The following PUSL1 variants were observed in gnomAD, a reference collection of about 807,000 sequenced individuals.
The protein encoded by PUSL1 is pseudouridine synthase like 1, also known as tRNA pseudouridine synthase-like 1.
Under a neutral mutation model 30.7 loss-of-function variants are expected in PUSL1, and 51 were observed. That is an observed-to-expected ratio of 1.66 (90% CI 1.33 to 2.10). PUSL1 has a LOEUF of 2.10. Ranked by LOEUF, PUSL1 falls within the 30% of genes most tolerant of loss-of-function variation. The probability of loss-of-function intolerance (pLI) is 0.00; values close to 1 mark genes in which losing one functional copy is unlikely to be tolerated. For missense variants in PUSL1, 609 were observed against 427.6 expected (o/e 1.42, Z -3.74); for synonymous variants, 290 against 192.1 (o/e 1.51, Z -4.21).
intron 7 of PUSL1, 124 bp downstream of exon 7, chr1:1,311,195 G>A: frequency 7.0e-7 from 1 of 1,429,422 alleles, no homozygotes; most frequent in South Asian, 1.3e-5. Flanking sequence ...CCCCGCCCAG[G>A]GCTGCAGTCC....
chr1:1,311,306 A>C (rs1409327006), intron 7 of PUSL1, 24 bp from the exon 8 acceptor site: 24 of 1,532,416 alleles, frequency 1.6e-5, no homozygotes, highest in Non-Finnish European at 2.1e-5. Flanking sequence ...CCCCAGGCTG[A>C]CGCAGGGTCT....
Position 1,308,948 on chromosome 1 carries a change from C to A in PUSL1, c.111C>A (p.Ala37=), listed in dbSNP as rs1271626529. The part of the protein sequence containing the change: ...GVAAVRGTQR[A]VGVQNYLEEA... ...CGGCCGTCAGGGGCACTCAGCGCGCCGTCGGGGTCCAGAACTACCTGGAGG... is the reference window on the plus strand; with the variant it reads ...CGGCCGTCAGGGGCACTCAGCGCGCAGTCGGGGTCCAGAACTACCTGGAGG... The change falls in exon 2 of 8, where the codon GCC becomes GCA. Residue 37 remains alanine (A), a synonymous_variant. Coordinates refer to ENST00000379031, the MANE Select transcript of PUSL1 (RefSeq NM_153339.3). 1.4e-6 allele frequency: 2 copies of A among 1,420,426 alleles called. No individual in the cohort carries two copies. The highest frequency in any genetic ancestry group is 2.9e-5 in the East Asian group (1 of 35,038). The allele number at this position is 1,420,426 out of a possible 1,614,324, so 88.0% of individuals were successfully genotyped here. A position where few individuals can be genotyped will look rare whatever the true frequency, so the allele number is the denominator to read the frequency against.
intron 7 of PUSL1, 32 bp downstream of exon 7, chr1:1,311,103 A>G (rs1318679411): frequency 5.1e-6 from 8 of 1,575,212 alleles, no homozygotes; most frequent in East Asian, 2.3e-5. Flanking sequence ...AGCTCCTGTC[A>G]TGTGCCCAGT....
At chr1:1,308,795 G>A in intron 1 of PUSL1, 75 bp downstream of exon 1, 2 of 1,448,992 alleles carry the variant, frequency 1.4e-6, no homozygotes, top group Non-Finnish European at 1.8e-6. Context: ...GGGCGGGCAG[G>A]CGGATGTCTC....
In PUSL1 at chr1:1,309,755, C is replaced by T. The variant is rs1557621889; in HGVS notation, c.548C>T (p.Ser183Phe). ...LGTHDFSAFQ[S>F]AGSPVPSPVR... ...ACACACGACTTCAGCGCCTTCCAGTCCGCTGGCAGCCCGGTGCCGAGCCCC... is the reference window on the plus strand; with the variant it reads ...ACACACGACTTCAGCGCCTTCCAGTTCGCTGGCAGCCCGGTGCCGAGCCCC... The change falls in exon 5 of 8, where the codon TCC (serine) becomes TTC (phenylalanine). Residue 183 changes from serine (S) to phenylalanine (F), a missense_variant. Transcript: ENST00000379031. 6.3e-7 allele frequency: 1 copy of T among 1,586,186 alleles called. No homozygotes were observed. The highest frequency in any genetic ancestry group is 2.3e-5 in the East Asian group (1 of 43,344).
In PUSL1 at chr1:1,310,901, G is replaced by A. The variant is rs745513702; in HGVS notation, c.700-8G>A. 6 of 1,608,016 alleles carry A rather than the reference G, an allele frequency of 3.7e-6. No individual in the cohort carries two copies. The South Asian group carries it at 5.5e-5, about 15-fold the overall frequency. ...CGGCTCTGGGTCACAGGTGGCTCTG[G>A]GTCACAGGTACGGAGGATGACGGCT... On this transcript the variant is annotated splice_region_variant and splice_polypyrimidine_tract_variant and intron_variant, in intron 6 of 7. Coordinates refer to ENST00000379031, the MANE Select transcript of PUSL1 (RefSeq NM_153339.3).
rs765909677 is a variant in PUSL1, at chr1:1,309,461, C to A, written c.331C>A (p.Arg111=). The change falls in exon 4 of 8, where the codon CGG becomes AGG. Residue 111 remains arginine (R), a synonymous_variant. Coordinates refer to ENST00000379031, the MANE Select transcript of PUSL1 (RefSeq NM_153339.3). ...HLRHPAIRVL[R]AFRVPSDFHA... ...CTTTACCTGCCGCCATAGGGTCCTG[C>A]GGGCCTTCCGAGTGCCCAGCGACTT... 1.9e-6 allele frequency: 3 copies of A among 1,601,024 alleles called. No individual in the cohort carries two copies. The highest frequency in any genetic ancestry group is 2.6e-6 in the Non-Finnish European group (3 of 1,174,652).
chr1:1,308,964 T>C lies in PUSL1; in HGVS notation c.127T>C (p.Tyr43His), dbSNP rs1641926212. The C allele has an allele frequency of 2.8e-6, 4 of 1,416,754 alleles. No individual in the cohort carries two copies. The highest frequency in any genetic ancestry group is 1.5e-5 in the African/African-American group (1 of 66,490). The allele number at this position is 1,416,754 out of a possible 1,614,324, so 87.8% of individuals were successfully genotyped here. The part of the protein sequence containing the change: ...GTQRAVGVQN[Y>H]LEEAAERLNS... Reference sequence around the variant, plus strand: ...TCAGCGCGCCGTCGGGGTCCAGAACTACCTGGAGGTGCGCTCAGCCGGTCA... The same window carrying C: ...TCAGCGCGCCGTCGGGGTCCAGAACCACCTGGAGGTGCGCTCAGCCGGTCA... The change falls in exon 2 of 8, where the codon TAC becomes CAC. Residue 43 changes from tyrosine to histidine, a missense_variant. Physicochemically the swap from Tyr to His is moderately conservative, Grantham distance 83 (BLOSUM62 2). Coordinates refer to ENST00000379031, the MANE Select transcript of PUSL1 (RefSeq NM_153339.3).
rs765240675 is a variant in PUSL1, at chr1:1,310,935, G to C, written c.726G>C (p.Val242=). The C allele has an allele frequency of 6.2e-7, 1 of 1,613,126 alleles. No individual in the cohort carries two copies. Among genetic ancestry groups the C allele is most frequent in the Non-Finnish European group, 8.5e-7 (1 of 1,179,950 alleles). Reference sequence around the variant, plus strand: ...TACGGAGGATGACGGCTGTGCTGGTGGCCGTGGGGCTGGGGGCTTTGGCAC... The same window carrying C: ...TACGGAGGATGACGGCTGTGCTGGTCGCCGTGGGGCTGGGGGCTTTGGCAC... ...RQVRRMTAVL[V]AVGLGALAPA... Residue 242 remains valine, a synonymous_variant, in exon 7 of 8, where the codon GTG becomes GTC. Coordinates refer to ENST00000379031, the MANE Select transcript of PUSL1 (RefSeq NM_153339.3).
Position 1,309,511 on chromosome 1 carries a change from C to G in PUSL1, c.381C>G (p.Ser127=). 2 of 1,610,728 alleles carry G rather than the reference C, an allele frequency of 1.2e-6. No individual in the cohort carries two copies. Among genetic ancestry groups the G allele is most frequent in the East Asian group, 2.2e-5 (1 of 44,762 alleles). ...TCCACGCTCGTCACGCAGCCACGTC[C>G]CGGACCTACCTGTACCGCCTGGCCA... ...SDFHARHAAT[S]RTYLYRLATG... The change falls in exon 4 of 8, where the codon TCC becomes TCG. Residue 127 remains serine, a synonymous_variant. Coordinates refer to ENST00000379031, the MANE Select transcript of PUSL1 (RefSeq NM_153339.3).
chr1:1,309,011 AG>A (rs764580243), intron 2 of PUSL1, 39 bp downstream of exon 2: 2 of 1,392,534 alleles, frequency 1.4e-6, no homozygotes. Flanking sequence ...GTGAGGGGTA[AG>A]GGGGAGGCTC....
At position 1,309,797 on chromosome 1, in the gene PUSL1, G is replaced by A. The variant is rs766150586; in HGVS notation, c.590G>A (p.Arg197Gln). ...PVPSPVRTLR[R>Q]VSVSPGQASP... Reference sequence around the variant, plus strand: ...CCGAGCCCCGTGCGAACGCTGCGCCGGGTCTCCGTTTCCCCAGGCCAAGCC... The same window carrying A: ...CCGAGCCCCGTGCGAACGCTGCGCCAGGTCTCCGTTTCCCCAGGCCAAGCC... The change falls in exon 5 of 8, where the codon CGG (arginine) becomes CAG (glutamine). Residue 197 changes from arginine (R) to glutamine (Q), a missense_variant. Transcript: ENST00000379031. The A allele has an allele frequency of 1.0e-5, 16 of 1,555,224 alleles. No individual in the cohort carries two copies. The highest frequency in any genetic ancestry group is 7.3e-5 in the East Asian group (3 of 41,274).
chr1:1,310,654 T>C lies in PUSL1; in HGVS notation c.665T>C (p.Leu222Pro). The C allele has an allele frequency of 1.3e-6, 2 of 1,583,400 alleles. No individual in the cohort carries two copies. Among genetic ancestry groups the C allele is most frequent in the Non-Finnish European group, 1.7e-6 (2 of 1,161,070 alleles). ...EESRKLRFWNLEFESQSFLYR... is the reference protein window; with the variant it reads ...EESRKLRFWNPEFESQSFLYR... Reference sequence around the variant, plus strand: ...TCCAGGAAGCTGCGGTTCTGGAACCTGGAGTTTGAGAGCCAGTCTTTCCTG... The same window carrying C: ...TCCAGGAAGCTGCGGTTCTGGAACCCGGAGTTTGAGAGCCAGTCTTTCCTG... The change falls in exon 6 of 8, where the codon CTG becomes CCG. Residue 222 changes from leucine (L) to proline (P), a missense_variant. Transcript: ENST00000379031.
In PUSL1 at chr1:1,308,636, G is replaced by GCTCCGCCATGAGTTCGGCGCCGGC; in HGVS notation, c.-4_20dup. On this transcript the variant is annotated 5_prime_UTR_variant, in exon 1 of 8. It adds an upstream start codon to the 5' untranslated region. Transcript: ENST00000379031. ...GGCCGCCTCTGACGCCACCGGCTGGGCTCCGCCATGAGTTCGGCGCCGGCC... is the reference window on the plus strand; with the variant it reads ...GGCCGCCTCTGACGCCACCGGCTGGGCTCCGCCATGAGTTCGGCGCCGGCCTCCGCCATGAGTTCGGCGCCGGCC... The GCTCCGCCATGAGTTCGGCGCCGGC allele has an allele frequency of 6.6e-7, 1 of 1,506,226 alleles. No homozygotes were observed. Among genetic ancestry groups the GCTCCGCCATGAGTTCGGCGCCGGC allele is most frequent in the Non-Finnish European group, 8.9e-7 (1 of 1,129,642 alleles). 93.3% of individuals were successfully genotyped at this position (1,506,226 alleles called of 1,614,324 possible).
At position 1,311,470 on chromosome 1, in the gene PUSL1, ACT is replaced by A; in HGVS notation, c.*92_*93del. The A allele has an allele frequency of 7.5e-7, 1 of 1,327,706 alleles. No individual in the cohort carries two copies. The allele number at this position is 1,327,706 out of a possible 1,614,324, so 82.2% of individuals were successfully genotyped here. A position where few individuals can be genotyped will look rare whatever the true frequency, so the allele number is the denominator to read the frequency against. On this transcript the variant is annotated 3_prime_UTR_variant, in exon 8 of 8. Coordinates refer to ENST00000379031, the MANE Select transcript of PUSL1 (RefSeq NM_153339.3). ...GTCACAGCTGCTTGGGGCCCACAGC[ACT>A]GCTGCCTGGTCTCCACAGTAGCCTC...
chr1:1,309,944 G>A (rs1354921833), intron 5 of PUSL1, 93 bp downstream of exon 5: 5 of 1,077,214 alleles, frequency 4.6e-6, no homozygotes, highest in Non-Finnish European at 6.5e-6. Flanking sequence ...AAGGTGAGGC[G>A]GGAGGCAGGC....
rs1485409777 is a variant in PUSL1 at position 1,311,419 on chromosome 1, A to G, written c.*40A>G. The G allele has an allele frequency of 1.9e-6, 3 of 1,581,946 alleles. No homozygotes were observed. On this transcript the variant is annotated 3_prime_UTR_variant, in exon 8 of 8. Transcript: ENST00000379031. ...GCCAAAGTTAGGCCACACCAGGCCC[A>G]ACCCTGTGCTGGTCAAGCCAGGGCA...
Position 1,309,862 on chromosome 1 carries a change from G to C in PUSL1, c.644+11G>C, listed in dbSNP as rs376939111. On this transcript the variant is annotated intron_variant, in intron 5 of 7. Coordinates refer to ENST00000379031, the MANE Select transcript of PUSL1 (RefSeq NM_153339.3). ...CCCCGAGGAGAGCAGGTGAGGAAGG[G>C]CCCCTGGGCTGTGGCCCTGCCCTCA... The C allele has an allele frequency of 6.7e-7, 1 of 1,486,752 alleles. No homozygotes were observed. Among genetic ancestry groups the C allele is most frequent in the Non-Finnish European group, 9.0e-7 (1 of 1,110,668 alleles). The allele number at this position is 1,486,752 out of a possible 1,614,324, so 92.1% of individuals were successfully genotyped here.
At position 1,309,559 on chromosome 1, in the gene PUSL1, G is replaced by C; in HGVS notation, c.429G>C (p.Glu143Asp). Residue 143 changes from glutamate (E) to aspartate (D), a missense_variant, in exon 4 of 8, where the codon GAG becomes GAC. Transcript: ENST00000379031. ...CCACTGGCTGTCACCGGCGTGATGA[G>C]CTGCCGGTGTTTGAACGCAACCTAT... ...RLATGCHRRD[E>D]LPVFERNLCW... 6.2e-7 allele frequency: 1 copy of C among 1,611,660 alleles called. No individual in the cohort carries two copies. Among genetic ancestry groups the C allele is most frequent in the Non-Finnish European group, 8.5e-7 (1 of 1,179,616 alleles).
Sources: gnomAD v4.1 joint callset for allele counts on GRCh38, gnomAD v4.1.1 for gene constraint, MANE v1.5 for transcripts, NCBI Gene and HGNC (gene_info 2026-07-23, HGNC 2026-07-21) for gene names.